Variants in ALOX5AP observed in about 807,000 individuals in gnomAD.
The protein encoded by ALOX5AP is arachidonate 5-lipoxygenase activating protein, also known as arachidonate 5-lipoxygenase-activating protein.
A neutral mutation model predicts 18.5 loss-of-function variants in ALOX5AP; 9 were observed. The observed-to-expected ratio is 0.49, with a 90% CI of 0.29 to 0.85. The LOEUF is 0.85. ALOX5AP is among the 40% of genes least tolerant of loss of function. The pLI is 0.08. For synonymous variants in ALOX5AP, 81 were observed against 78.6 expected, an observed-to-expected ratio of 1.03 and a Z score of -0.16; for missense variants, 172 against 202.5, an observed-to-expected ratio of 0.85 and a Z score of 0.91.
At chr13:30,736,282 AAG>A (rs149655927) in intron 1 of ALOX5AP, among the ~76,000 whole-genome samples, 55 of 148,438 alleles carry the variant, frequency 3.7e-4, no homozygotes, top group Non-Finnish European at 3.5e-4. Flanking sequence ...ATACTTCAGA[AAG>A]AGAGAGAGAG....
rs186106981 is a variant in ALOX5AP at position 30,721,892 on chromosome 13, T to G, written c.116+8051T>G. Among the ~76,000 whole-genome samples, 321 of 152,352 alleles carry G rather than the reference T, an allele frequency of 2.1e-3. 1 individual carries two copies. Among genetic ancestry groups the G allele is most frequent in the African/African-American group, 7.3e-3 (305 of 41,586 alleles). ...TCTTGCTCAGGATCTTTGAACATAC[T>G]GTTTCTTCTTTCCTTTTGTATTTGC... On this transcript the variant is annotated intron_variant, in intron 1 of 5. Transcript: ENST00000617770.
chr13:30,754,460 A>G (rs1441259766), intron 3 of ALOX5AP, among the ~76,000 whole-genome samples: 1 of 152,178 alleles, frequency 6.6e-6, no homozygotes, highest in Non-Finnish European at 1.5e-5. Flanking sequence ...TGGTCTAGCT[A>G]GTAGCATTCC....
intron 1 of ALOX5AP, among the ~76,000 whole-genome samples, chr13:30,721,916 G>T (rs1339891777): frequency 1.3e-5 from 2 of 152,016 alleles, no homozygotes; most frequent in African/African-American, 4.8e-5. Flanking sequence ...TTTTGTATTT[G>T]CCAAGACAAC....
At chr13:30,730,802 C>T (rs1173602286), upstream of ALOX5AP, among the ~76,000 whole-genome samples, 7 of 150,724 alleles carry the variant, frequency 4.6e-5, no homozygotes, top group Non-Finnish European at 7.4e-5. Flanking sequence ...GGCAGAGCCT[C>T]GGCGTCCCTG....
At chr13:30,722,688 T>C (rs1008521035) in intron 1 of ALOX5AP, among the ~76,000 whole-genome samples, 1 of 152,262 alleles carries the variant, frequency 6.6e-6, no homozygotes, top group African/African-American at 2.4e-5. Flanking sequence ...GTTGACATTT[T>C]ATCCCTAATA....
chr13:30,729,317 T>A (rs1471743846), intron 1 of ALOX5AP, among the ~76,000 whole-genome samples: 4 of 152,242 alleles, frequency 2.6e-5, no homozygotes, highest in Non-Finnish European at 5.9e-5. Context: ...TTGTGTGATT[T>A]TTTGGAAGGG....
chr13:30,745,962 G>A (rs1309958537), intron 2 of ALOX5AP, among the ~76,000 whole-genome samples: 3 of 152,200 alleles, frequency 2.0e-5, no homozygotes, highest in Non-Finnish European at 2.9e-5. Context: ...AAGTTATGGT[G>A]CAATTTCACC....
At chr13:30,753,756 C>G (rs531031515) in intron 3 of ALOX5AP, among the ~76,000 whole-genome samples, 15 of 152,238 alleles carry the variant, frequency 9.9e-5, no homozygotes, top group Admixed American at 5.9e-4. Context: ...GCAGGAGGCA[C>G]TCACCTTCCT....
At chr13:30,759,052 C>A (rs1460806872) in intron 4 of ALOX5AP, among the ~76,000 whole-genome samples, 5 of 152,146 alleles carry the variant, frequency 3.3e-5, no homozygotes, top group African/African-American at 1.2e-4. Flanking sequence ...CTGCTGAACT[C>A]AAGCAATCTG....
At chr13:30,750,882 G>A (rs930455341) in intron 2 of ALOX5AP, among the ~76,000 whole-genome samples, 3 of 152,204 alleles carry the variant, frequency 2.0e-5, no homozygotes, top group Admixed American at 6.5e-5. Context: ...GGCCATCCCT[G>A]ACTTTCAGGT....
chr13:30,763,916 TAC>T, intron 4 of ALOX5AP, 26 bp from the exon 5 acceptor site: 1 of 1,606,926 alleles, frequency 6.2e-7, no homozygotes, highest in Non-Finnish European at 8.5e-7. Flanking sequence ...GCACTGCATC[TAC>T]AGTTTTCTTT....
intron 4 of ALOX5AP, among the ~76,000 whole-genome samples, chr13:30,759,059 T>G (rs1243750500): frequency 3.3e-5 from 5 of 152,326 alleles, no homozygotes; most frequent in African/African-American, 1.2e-4. Flanking sequence ...ACTCAAGCAA[T>G]CTGCCATCCC....
upstream of ALOX5AP, among the ~76,000 whole-genome samples, chr13:30,734,712 T>C (rs188293232): frequency 1.7e-4 from 26 of 152,376 alleles, no homozygotes; most frequent in African/African-American, 5.0e-4. Context: ...GGAATTTCCC[T>C]TAGGGATCAT....
intron 3 of ALOX5AP, among the ~76,000 whole-genome samples, chr13:30,753,243 AC>A (rs1223672691): frequency 6.6e-6 from 1 of 152,216 alleles, no homozygotes; most frequent in Non-Finnish European, 1.5e-5. Flanking sequence ...AAGGGACACC[AC>A]GTGGCACTCC....
intron 1 of ALOX5AP, among the ~76,000 whole-genome samples, chr13:30,739,089 C>T (rs145155350): frequency 6.6e-6 from 1 of 152,060 alleles, no homozygotes; most frequent in African/African-American, 2.4e-5. Context: ...CAACCACCCC[C>T]CTCCACCGCC....
intron 2 of ALOX5AP, among the ~76,000 whole-genome samples, chr13:30,746,957 T>G (rs894777068): frequency 3.9e-5 from 6 of 152,212 alleles, no homozygotes; most frequent in African/African-American, 1.4e-4. Flanking sequence ...GATGCATGTA[T>G]TTTTAGCATA....
intron 3 of ALOX5AP, among the ~76,000 whole-genome samples, chr13:30,752,563 G>A (rs1951861144): frequency 6.6e-6 from 1 of 152,190 alleles, no homozygotes; most frequent in Non-Finnish European, 1.5e-5. Flanking sequence ...CACATCCCCG[G>A]CCTTCCCACA....
intron 1 of ALOX5AP, among the ~76,000 whole-genome samples, chr13:30,716,440 A>C (rs1951550811): frequency 6.6e-6 from 1 of 152,260 alleles, no homozygotes; most frequent in African/African-American, 2.4e-5. Context: ...AGAAATGTAG[A>C]TCAGGCCGCA....
At position 30,764,192 on chromosome 13, in the gene ALOX5AP, T is replaced by G; in HGVS notation, c.*86T>G. On this transcript the variant is annotated 3_prime_UTR_variant, in exon 5 of 5. Coordinates refer to ENST00000380490, the MANE Select transcript of ALOX5AP (RefSeq NM_001629.4). The stretch of plus-strand genomic sequence containing the variant: ...TCAGCTCTTGAGAGCATTCTGCTCT[T>G]CTTTAGATGGCTGTAAATCTATTGG... 1 of 1,390,536 alleles carries G rather than the reference T, an allele frequency of 7.2e-7. No individual in the cohort carries two copies. Among genetic ancestry groups the G allele is most frequent in the Middle Eastern group, 1.9e-4 (1 of 5,382 alleles). The allele number at this position is 1,390,536 out of a possible 1,614,324, so 86.1% of individuals were successfully genotyped here. A position where few individuals can be genotyped will look rare whatever the true frequency, so the allele number is the denominator to read the frequency against.
Sources: allele counts gnomAD v4.1 joint callset (sites outside exome capture counted in the v4.1 genomes callset), GRCh38; gene constraint gnomAD v4.1.1; transcripts MANE v1.5; gene names NCBI Gene and HGNC (gene_info 2026-07-23, HGNC 2026-07-21).